The following GNE variants were observed in gnomAD, a reference collection of about 807,000 sequenced individuals.
The protein encoded by GNE is glucosamine (UDP-N-acetyl)-2-epimerase/N-acetylmannosamine kinase.
GNE carries 41 observed loss-of-function variants against 61.8 expected under a neutral mutation model. The ratio of observed to expected loss-of-function variants is 0.66; its 90% CI spans 0.52 to 0.86. The LOEUF is 0.86. Among genes scored for constraint, GNE ranks in the 40% least tolerant of loss-of-function variants. GNE has a pLI of 0.00. For synonymous variants in GNE, 264 were observed against 326.4 expected, an observed-to-expected ratio of 0.81 and a Z score of 2.06; for missense variants, 608 against 909.1, an observed-to-expected ratio of 0.67 and a Z score of 4.26.
At chr9:36,236,356 G>A (rs1401535355) in intron 4 of GNE, among the ~76,000 whole-genome samples, 1 of 152,108 alleles carries the variant, frequency 6.6e-6, no homozygotes, top group Non-Finnish European at 1.5e-5. Flanking sequence ...GCCCACCACT[G>A]TGGCTGGCTA....
intron 1 of GNE, among the ~76,000 whole-genome samples, chr9:36,254,404 C>G (rs1830243429): frequency 6.6e-6 from 1 of 151,308 alleles, no homozygotes; most frequent in South Asian, 2.1e-4. Context: ...TGGTTGTGCA[C>G]ACCTGCGGTC....
At chr9:36,255,127 G>C (rs1830279721) in intron 1 of GNE, among the ~76,000 whole-genome samples, 1 of 152,188 alleles carries the variant, frequency 6.6e-6, no homozygotes, top group African/African-American at 2.4e-5. Context: ...AGGCATTTTA[G>C]TACTGCCAGA....
intron 3 of GNE, among the ~76,000 whole-genome samples, chr9:36,245,654 A>G (rs1398408271): frequency 6.6e-6 from 1 of 152,242 alleles, no homozygotes; most frequent in East Asian, 1.9e-4. Context: ...AGCCTAGGCA[A>G]CAGAGCAAGA....
At chr9:36,240,924 CTAGTT>C (rs1207983725) in intron 3 of GNE, among the ~76,000 whole-genome samples, 2 of 151,976 alleles carry the variant, frequency 1.3e-5, no homozygotes, top group Admixed American at 1.3e-4. Flanking sequence ...TCTAGGTTTT[CTAGTT>C]TATGTGTGTC....
intron 3 of GNE, among the ~76,000 whole-genome samples, chr9:36,238,705 C>T (rs1432954791): frequency 6.6e-6 from 1 of 152,136 alleles, no homozygotes; most frequent in African/African-American, 2.4e-5. Context: ...GTTTACTCTG[C>T]TATTCCTTTT....
At chr9:36,269,466 T>A (rs1294831170) in intron 1 of GNE, among the ~76,000 whole-genome samples, 1 of 151,540 alleles carries the variant, frequency 6.6e-6, no homozygotes, top group African/African-American at 2.4e-5. Flanking sequence ...GTTCCTCACT[T>A]CAAACTCAAT....
In GNE at chr9:36,249,240, A is replaced by T. The variant is rs1244828960; in HGVS notation, c.116T>A (p.Phe39Tyr). Residue 39 changes from phenylalanine (F) to tyrosine (Y), a missense_variant, in exon 2 of 12, where the codon TTT (phenylalanine) becomes TAT (tyrosine). Transcript: ENST00000642385. ...GCCAAGTACCACAACATCAAGTTCA[A>T]AGAACTCAGGTTCGGTTTTAATGCC... The part of the protein sequence containing the change: ...MFGIKTEPEF[F>Y]ELDVVVLGSH... 5 of 1,614,062 alleles carry T rather than the reference A, an allele frequency of 3.1e-6. No homozygotes were observed. The African/African-American group carries it at 6.7e-5, about 22-fold the overall frequency.
At chr9:36,227,680 C>T (rs756233503) in intron 6 of GNE, among the ~76,000 whole-genome samples, 3 of 152,010 alleles carry the variant, frequency 2.0e-5, no homozygotes, top group Non-Finnish European at 4.4e-5. Context: ...TTGAGACCAG[C>T]CTGGGCAACA....
At chr9:36,220,074 T>A in intron 9 of GNE, 54 bp from the exon 10 acceptor site, 1 of 1,414,950 alleles carries the variant, frequency 7.1e-7, no homozygotes, top group South Asian at 1.2e-5. Flanking sequence ...CAGAAAACTA[T>A]GATATCACAA....
In GNE at chr9:36,219,488, G is replaced by A. The variant is rs1329622813; in HGVS notation, c.1816+350C>T. On this transcript the variant is annotated intron_variant, in intron 10 of 11. Transcript: ENST00000642385. The stretch of plus-strand genomic sequence containing the variant: ...AGCACAGATATACTACACATACAGT[G>A]CATGTATGTGTGATATATACATAAC... Among the ~76,000 whole-genome samples, 9 of 152,286 alleles carry A rather than the reference G, an allele frequency of 5.9e-5. No individual in the cohort carries two copies. In the East Asian group the frequency reaches 1.7e-3, roughly 29 times the overall value.
intron 4 of GNE, 107 bp from the exon 5 acceptor site, chr9:36,234,239 A>G: frequency 1.2e-6 from 1 of 847,106 alleles, no homozygotes; most frequent in Non-Finnish European, 2.0e-6. Context: ...AAAACCTCAC[A>G]TCAGTTATTA....
Position 36,272,971 on chromosome 9 carries a change from G to A in GNE, c.51+3923C>T, listed in dbSNP as rs147040453. ...ATGGTGGCGTGCGCCTGTAGTCCCA[G>A]CTACTCAGGAGGCTGAGGCAGGAGA... On this transcript the variant is annotated intron_variant, in intron 1 of 11. Transcript: ENST00000396594. Among the ~76,000 whole-genome samples, 164 of 149,882 alleles carry A rather than the reference G, an allele frequency of 1.1e-3. 2 individuals carry two copies. In the East Asian group the frequency reaches 0.033, roughly 30 times the overall value.
chr9:36,257,802 CAAAAAAAAAAAA>C (rs60845805), intron 1 of GNE, among the ~76,000 whole-genome samples: 404 of 25,212 alleles, frequency 0.016, 7 homozygotes, highest in African/African-American at 0.047. Flanking sequence ...GACTCAGTCT[CAAAAAAAAAAAA>C]AAAAAAAAAA....
chr9:36,219,945 A>G lies in GNE; in HGVS notation c.1709T>C (p.Leu570Pro), dbSNP rs775369694. Reference sequence around the variant, plus strand: ...ATCAGGCCCATCCAGAGACACAACAAGGTGGCCCAGTTCTGCAGCACAGAA... The same window carrying G: ...ATCAGGCCCATCCAGAGACACAACAGGGTGGCCCAGTTCTGCAGCACAGAA... ...SSFCAAELGH[L>P]VVSLDGPDCS... Residue 570 changes from leucine to proline, a missense_variant, in exon 10 of 12, where the codon CTT (leucine) becomes CCT (proline). Leu to Pro is a moderately conservative substitution (Grantham distance 98). Transcript: ENST00000642385. 1.2e-6 allele frequency: 2 copies of G among 1,614,044 alleles called. No homozygotes were observed. The highest frequency in any genetic ancestry group is 1.7e-6 in the Non-Finnish European group (2 of 1,179,990).
At chr9:36,260,298 AGAAAG>A (rs1245417423), upstream of GNE, among the ~76,000 whole-genome samples, 3 of 147,206 alleles carry the variant, frequency 2.0e-5, no homozygotes, top group Non-Finnish European at 4.4e-5. Context: ...AAAAAAAAAA[AGAAAG>A]AAAGAAAGAA....
Position 36,268,438 on chromosome 9 carries a change from G to A in GNE, c.51+8456C>T, listed in dbSNP as rs190263993. ...CCTAGCACTTTAGGAGGCTGAGTCG[G>A]GTGGATTGCTTTAGCCCAGGAGTTC... On this transcript the variant is annotated intron_variant, in intron 1 of 11. Transcript: ENST00000396594. Among the ~76,000 whole-genome samples, 3 of 152,242 alleles carry A rather than the reference G, an allele frequency of 2.0e-5. No homozygotes were observed. In the East Asian group the frequency reaches 5.8e-4, roughly 29 times the overall value.
Position 36,229,025 on chromosome 9 carries a change from G to T in GNE, c.1066C>A (p.Pro356Thr), listed in dbSNP as rs1457585618. 1 of 1,570,510 alleles carries T rather than the reference G, an allele frequency of 6.4e-7. No homozygotes were observed. The highest frequency in any genetic ancestry group is 1.3e-5 in the African/African-American group (1 of 74,118). ...CAAAGAATGTTTTATACTCACCAAG[G>T]GTACTGTTTACCAAACTGAAGGTGC... ...ALHLQFGKQY[P>T]CSKIYGDGNA... Residue 356 changes from proline (P) to threonine (T), a missense_variant, in exon 6 of 12, where the codon CCT becomes ACT. Pro to Thr is a conservative substitution (Grantham distance 38, BLOSUM62 -1). Coordinates refer to ENST00000642385, the MANE Select transcript of GNE (RefSeq NM_005476.7).
At chr9:36,237,861 C>A (rs113567264) in intron 3 of GNE, among the ~76,000 whole-genome samples, 3,842 of 151,732 alleles carry the variant, frequency 0.025, 162 homozygotes, top group African/African-American at 0.089. Flanking sequence ...CATTCTTAGG[C>A]CTTTGCATCC....
chr9:36,260,231 G>A (rs1360710691), upstream of GNE, among the ~76,000 whole-genome samples: 1 of 148,542 alleles, frequency 6.7e-6, no homozygotes, highest in Non-Finnish European at 1.5e-5. Flanking sequence ...CAGTGAGCTC[G>A]ATCAAACCAC....
Sources: gnomAD v4.1 joint callset for allele counts (sites outside exome capture counted in the v4.1 genomes callset) on GRCh38, gnomAD v4.1.1 for gene constraint, MANE v1.5 for transcripts, NCBI Gene and HGNC (gene_info 2026-07-23, HGNC 2026-07-21) for gene names.